The following TENM3 variants were observed in gnomAD, a reference collection of about 807,000 sequenced individuals.
TENM3 encodes the protein teneurin transmembrane protein 3.
TENM3 carries 63 observed loss-of-function variants against 255.1 expected under a neutral mutation model. That is an observed-to-expected ratio of 0.25 (90% confidence interval 0.20 to 0.30). TENM3 has a LOEUF of 0.30. TENM3 is among the 10% of genes least tolerant of loss of function. The pLI is 1.00. For missense variants in TENM3, 2,929 were observed against 3,461.1 expected, an observed-to-expected ratio of 0.85 and a Z score of 3.86; for synonymous variants, 1,306 against 1,322.3, an observed-to-expected ratio of 0.99 and a Z score of 0.27.
chr4:181,620,381 C>T, the TENM3 span, among the ~76,000 whole-genome samples: 2 of 152,210 alleles, frequency 1.3e-5, no homozygotes, highest in South Asian at 4.1e-4. Context: ...CTCCAGTCCA[C>T]AGTTGGCCAT....
chr4:182,029,981 T>G, the TENM3 span, among the ~76,000 whole-genome samples: 4 of 149,508 alleles, frequency 2.7e-5, no homozygotes, highest in Non-Finnish European at 5.9e-5. Context: ...CGAAAGCACC[T>G]TCTGCATGCA....
chr4:181,849,872 C>T, the TENM3 span, among the ~76,000 whole-genome samples: 2 of 151,498 alleles, frequency 1.3e-5, no homozygotes, highest in African/African-American at 4.9e-5. Flanking sequence ...ATTAGCTAGG[C>T]ATGGCTGCTA....
chr4:182,649,852 C>A (rs1753094912), intron 5 of TENM3, among the ~76,000 whole-genome samples: 1 of 150,224 alleles, frequency 6.7e-6, no homozygotes, highest in Non-Finnish European at 1.5e-5. Context: ...CCTGTGGCCC[C>A]CACACAAGCT....
At chr4:182,423,434 C>G (rs1440876802) in intron 3 of TENM3, among the ~76,000 whole-genome samples, 2 of 152,104 alleles carry the variant, frequency 1.3e-5, no homozygotes, top group Admixed American at 6.6e-5. Context: ...TTGCATTATT[C>G]TTTCCGGCTC....
At chr4:182,243,668 G>A (rs1472649325) in intron 1 of TENM3, among the ~76,000 whole-genome samples, 192 bp downstream of exon 1, 5 of 152,150 alleles carry the variant, frequency 3.3e-5, no homozygotes, top group Admixed American at 1.3e-4. Flanking sequence ...GTTGGGACAC[G>A]GAAGCTGAGG....
Position 182,789,355 on chromosome 4 carries a change from A to T in TENM3, c.5567A>T (p.Asp1856Val), listed in dbSNP as rs1222268984. 6.2e-7 allele frequency: 1 copy of T among 1,613,664 alleles called. No individual in the cohort carries two copies. Among genetic ancestry groups the T allele is most frequent in the Non-Finnish European group, 8.5e-7 (1 of 1,179,732 alleles). The change falls in exon 25 of 28, where the codon GAT becomes GTT. Residue 1856 changes from aspartate to valine, a missense_variant. Physicochemically the swap from Asp to Val is radical, Grantham distance 152. Around this residue, in one of 6 missense-constraint regions of TENM3, gnomAD observed 303 missense variants for 425.2 expected, o/e 0.71. Coordinates refer to ENST00000511685, the MANE Select transcript of TENM3 (RefSeq NM_001080477.4). The surrounding 1 kb of genome is among the most constrained non-coding windows in gnomAD (Gnocchi z 4.4). ...AGGATCGTGTCTCGGGTCTTTGCTG[A>T]TGGTAAAACATGGAGTTACACATAT... is the stretch of plus-strand genomic sequence containing the variant. ...QGRIVSRVFA[D>V]GKTWSYTYLE...
the TENM3 span, among the ~76,000 whole-genome samples, chr4:181,863,859 A>G: frequency 6.6e-6 from 1 of 152,152 alleles, no homozygotes; most frequent in African/African-American, 2.4e-5. Context: ...ATAACAATCA[A>G]CATATTATAA....
In TENM3 at chr4:182,719,044, G is replaced by A. The variant is rs145268262; in HGVS notation, c.2368+4811G>A. The stretch of plus-strand genomic sequence containing the variant: ...TAGTCAGTTCCCTTTGACACCTTGC[G>A]TCCCTGTCTGGTCCTCCAGTGGCCA... On this transcript the variant is annotated intron_variant, in intron 13 of 27. Transcript: ENST00000511685. 6.4e-4 allele frequency among the ~76,000 whole-genome samples: 97 copies of A among 152,058 alleles called. 1 individual carries two copies. In the East Asian group the frequency reaches 0.01, roughly 16 times the overall value.
At chr4:182,474,404 AT>A (rs35665709) in intron 3 of TENM3, among the ~76,000 whole-genome samples, 68,244 of 152,044 alleles carry the variant, frequency 0.45, 16,986 homozygotes, top group East Asian at 0.74. Context: ...CTAGGGCACT[AT>A]TTAGCATTGT....
the TENM3 span, among the ~76,000 whole-genome samples, chr4:181,538,500 C>G: frequency 6.6e-6 from 1 of 151,636 alleles, no homozygotes; most frequent in African/African-American, 2.4e-5. Context: ...AAGAAACAAT[C>G]TCAGTGCCAT....
the TENM3 span, among the ~76,000 whole-genome samples, chr4:182,060,486 G>A: frequency 1.4e-3 from 216 of 152,112 alleles, 1 homozygote; most frequent in African/African-American, 4.9e-3. Context: ...CTAATGTGCC[G>A]CTGATCCGAC....
chr4:181,911,704 T>G, the TENM3 span, among the ~76,000 whole-genome samples: 1 of 152,200 alleles, frequency 6.6e-6, no homozygotes, highest in Non-Finnish European at 1.5e-5. Flanking sequence ...TGACACATAT[T>G]TGCTGAGTCT....
chr4:181,874,334 G>A, the TENM3 span: 1 of 152,180 alleles, frequency 6.6e-6, no homozygotes, highest in Non-Finnish European at 1.5e-5. Context: ...TGTCAAAAAT[G>A]TCTAACTATT....
the TENM3 span, among the ~76,000 whole-genome samples, chr4:181,525,320 C>A: frequency 1.3e-5 from 2 of 150,636 alleles, no homozygotes; most frequent in Admixed American, 1.3e-4. Context: ...TCATTTGAAC[C>A]CAGGAAGTGG....
At chr4:182,626,278 G>C (rs1444678807) in intron 4 of TENM3, among the ~76,000 whole-genome samples, 1 of 151,978 alleles carries the variant, frequency 6.6e-6, no homozygotes, top group Non-Finnish European at 1.5e-5. Flanking sequence ...TGTAAACCAG[G>C]GAATTAATTT....
chr4:181,975,884 G>A, the TENM3 span: 4 of 152,152 alleles, frequency 2.6e-5, no homozygotes, highest in South Asian at 4.1e-4. Flanking sequence ...GAAAATTATT[G>A]TCTGACAGTT....
the TENM3 span, among the ~76,000 whole-genome samples, chr4:181,775,766 ATTAT>A: frequency 5.3e-5 from 8 of 152,084 alleles, 1 homozygote; most frequent in Non-Finnish European, 7.4e-5. Context: ...TGTCACCAGC[ATTAT>A]TTATTTAGGT....
chr4:181,831,726 G>T, the TENM3 span, among the ~76,000 whole-genome samples: 1 of 152,118 alleles, frequency 6.6e-6, no homozygotes, highest in Non-Finnish European at 1.5e-5. Context: ...AACAGATTCT[G>T]CAGGAGTGAT....
At chr4:182,313,553 G>C (rs1762571711) in intron 1 of TENM3, among the ~76,000 whole-genome samples, 1 of 151,936 alleles carries the variant, frequency 6.6e-6, no homozygotes, top group Non-Finnish European at 1.5e-5. Flanking sequence ...CATGGAAAAA[G>C]TCTGAAAAGG....
Sources: gnomAD v4.1 joint callset for allele counts (sites outside exome capture counted in the v4.1 genomes callset) on GRCh38, gnomAD v4.1.1 for gene constraint, gnomAD v4.1.1 regional missense constraint, Gnocchi (gnomAD v3.1) non-coding constraint, MANE v1.5 for transcripts, NCBI Gene and HGNC (gene_info 2026-07-23, HGNC 2026-07-21) for gene names.